Variants in ZNF320 observed in about 807,000 individuals in gnomAD.
The protein encoded by ZNF320 is zinc finger gene 320.
Under a neutral mutation model 6.8 loss-of-function variants are expected in ZNF320, and 2 were observed. The ratio of observed to expected loss-of-function variants is 0.29; its 90% CI spans 0.12 to 0.93. The LOEUF is 0.93. Ranked by LOEUF, ZNF320 falls within the 40% of genes least tolerant of loss-of-function variation. The probability of loss-of-function intolerance (pLI) is 0.55; values close to 1 mark genes in which losing one functional copy is unlikely to be tolerated. For synonymous variants in ZNF320, 208 were observed against 203.2 expected (o/e 1.02, Z -0.20); for missense variants, 472 against 611.0 (o/e 0.77, Z 2.40).
chr19:52,869,078 T>C (rs992738915), intron 5 of ZNF320, among the ~76,000 whole-genome samples: 5 of 152,144 alleles, frequency 3.3e-5, no homozygotes, highest in Non-Finnish European at 2.9e-5. Context: ...GTAATGGGCA[T>C]GTAGGAGTGA....
Position 52,881,918 on chromosome 19 carries a change from G to A in ZNF320, c.208C>T (p.His70Tyr), listed in dbSNP as rs1165827411. The A allele has an allele frequency of 3.1e-6, 5 of 1,610,924 alleles. No individual in the cohort carries two copies. Among genetic ancestry groups the A allele is most frequent in the Non-Finnish European group, 4.2e-6 (5 of 1,178,706 alleles). Residue 70 changes from histidine (H) to tyrosine (Y), a missense_variant, in exon 6 of 6, where the codon CAC (histidine) becomes TAC (tyrosine). Physicochemically the swap from His to Tyr is moderately conservative, Grantham distance 83. Coordinates refer to ENST00000682928, the MANE Select transcript of ZNF320 (RefSeq NM_001351774.2). ...GCTTGTCTCTGCAATGTCCCTGTGT[G>A]GATCACTTCTGTATTGCCTTGCCCT... Reference protein sequence around the residue: ...STGQGNTEVIHTGTLQRQASY... With the variant: ...STGQGNTEVIYTGTLQRQASY...
rs1427450812 is a variant in ZNF320, at chr19:52,877,485, A to C, written c.*3111T>G. 6.6e-6 allele frequency: 1 copy of C among 152,214 alleles called. No homozygotes were observed. Among genetic ancestry groups the C allele is most frequent in the Non-Finnish European group, 1.5e-5 (1 of 68,052 alleles). 9.4% of individuals were successfully genotyped at this position (152,214 alleles called of 1,614,324 possible). A position where few individuals can be genotyped will look rare whatever the true frequency, so the allele number is the denominator to read the frequency against. On this transcript the variant is annotated 3_prime_UTR_variant, in exon 6 of 6. Transcript: ENST00000682928. The stretch of plus-strand genomic sequence containing the variant: ...TTTACATAAATAGGGCAAGGGAAGC[A>C]ATCAGATAGACATTTGACTCAGGTG...
chr19:52,873,678 T>C (rs1417861577), downstream of ZNF320, among the ~76,000 whole-genome samples: 3 of 152,202 alleles, frequency 2.0e-5, no homozygotes, highest in Admixed American at 6.5e-5. Context: ...TAAACGTCCA[T>C]CCAGATGTGG....
Position 52,881,231 on chromosome 19 carries a change from T to G in ZNF320, c.895A>C (p.Lys299Gln). ...CCACATTCATTACACTTATAGGGTT[T>G]CTCTGCAGTATGAACTGCCTTATGA... ...VIHKAVHTAEKPYKCNECGKV... is the reference protein window; with the variant it reads ...VIHKAVHTAEQPYKCNECGKV... Residue 299 changes from lysine (K) to glutamine (Q), a missense_variant, in exon 6 of 6, where the codon AAA becomes CAA. Lys to Gln is a moderately conservative substitution (Grantham distance 53, BLOSUM62 1). Around this residue, in one of 2 missense-constraint regions of ZNF320, gnomAD observed 462 missense variants for 559.7 expected, o/e 0.83. Transcript: ENST00000682928. 1 of 1,614,204 alleles carries G rather than the reference T, an allele frequency of 6.2e-7. No individual in the cohort carries two copies. The highest frequency in any genetic ancestry group is 8.5e-7 in the Non-Finnish European group (1 of 1,180,040).
intron 5 of ZNF320, chr19:52,883,772 G>A (rs2063994573): frequency 2.5e-5 from 8 of 325,916 alleles, no homozygotes; most frequent in South Asian, 1.8e-4. Context: ...GTGGTGGCAG[G>A]TGCATGTAAT....
chr19:52,866,140 ATTTATATATG>A (rs1469835117), intron 5 of ZNF320, among the ~76,000 whole-genome samples: 1 of 54,724 alleles, frequency 1.8e-5, no homozygotes, highest in Non-Finnish European at 3.7e-5. Context: ...TTATACATAT[ATTTATATATG>A]TATGATTATA....
At chr19:52,885,038 A>G (rs2064031715) in intron 5 of ZNF320, among the ~76,000 whole-genome samples, 1 of 151,858 alleles carries the variant, frequency 6.6e-6, no homozygotes. Flanking sequence ...TCTGCTAAAA[A>G]AAAATACAAA....
upstream of ZNF320, among the ~76,000 whole-genome samples, chr19:52,899,200 T>G (rs561976265): frequency 6.6e-6 from 1 of 152,314 alleles, no homozygotes; most frequent in African/African-American, 2.4e-5. Flanking sequence ...AAGCAGCTTT[T>G]TATTACTATT....
chr19:52,862,019 C>T (rs1348385880), exon 6 of ZNF320: 3 of 384,466 alleles, frequency 7.8e-6, no homozygotes, highest in Non-Finnish European at 1.6e-5. Context: ...TAAGGTTTCT[C>T]TCCAGTATGA....
upstream of ZNF320, among the ~76,000 whole-genome samples, chr19:52,899,503 C>A (rs2064560798): frequency 6.6e-6 from 1 of 152,146 alleles, no homozygotes; most frequent in Admixed American, 6.5e-5. Context: ...CGCTCTGTCA[C>A]CCAGGCTGGA....
intron 5 of ZNF320, among the ~76,000 whole-genome samples, chr19:52,886,289 T>A (rs1349127795): frequency 6.6e-6 from 1 of 152,068 alleles, no homozygotes; most frequent in Non-Finnish European, 1.5e-5. Flanking sequence ...TGCCCACCAC[T>A]GTGCCTGGCT....
intron 5 of ZNF320, among the ~76,000 whole-genome samples, chr19:52,864,803 G>A (rs926013313): frequency 6.6e-6 from 1 of 150,964 alleles, no homozygotes; most frequent in Admixed American, 6.6e-5. Flanking sequence ...CATGATGTCA[G>A]GAGATCGAGA....
In ZNF320 at chr19:52,890,225, G is replaced by C; in HGVS notation, c.15+16C>G. Reference sequence around the variant, plus strand: ...AAGGAAGGAGACAGAACAATCCACCGAGAATATCATCTCACCTGAGAAAGA... The same window carrying C: ...AAGGAAGGAGACAGAACAATCCACCCAGAATATCATCTCACCTGAGAAAGA... On this transcript the variant is annotated intron_variant, in intron 4 of 5. Coordinates refer to ENST00000682928, the MANE Select transcript of ZNF320 (RefSeq NM_001351774.2). 2 of 1,606,802 alleles carry C rather than the reference G, an allele frequency of 1.2e-6. No individual in the cohort carries two copies. Among genetic ancestry groups the C allele is most frequent in the Non-Finnish European group, 1.7e-6 (2 of 1,179,414 alleles).
At chr19:52,895,472 CA>C (rs2064442492) in intron 1 of ZNF320, 1 of 151,568 alleles carries the variant, frequency 6.6e-6, no homozygotes, top group East Asian at 2.0e-4. Flanking sequence ...TCAAAACAAA[CA>C]AACAAAATAG....
exon 6 of ZNF320, chr19:52,864,090 G>T: frequency 2.3e-6 from 1 of 435,842 alleles, no homozygotes. Flanking sequence ...AAAGCGTTCT[G>T]TGCAGGGTCC....
At chr19:52,902,003 T>C (rs1427764168), upstream of ZNF320, among the ~76,000 whole-genome samples, 1 of 151,936 alleles carries the variant, frequency 6.6e-6, no homozygotes, top group Admixed American at 6.6e-5. Flanking sequence ...GTTTTTCTTT[T>C]TTTTTTTTCT....
At chr19:52,891,693 C>G (rs942469495) in intron 2 of ZNF320, among the ~76,000 whole-genome samples, 1 of 152,190 alleles carries the variant, frequency 6.6e-6, no homozygotes, top group Admixed American at 6.5e-5. Flanking sequence ...TGGAGCCACA[C>G]TGATGAGTTG....
upstream of ZNF320, among the ~76,000 whole-genome samples, chr19:52,899,752 C>G (rs576234548): frequency 6.6e-6 from 1 of 152,176 alleles, no homozygotes; most frequent in Non-Finnish European, 1.5e-5. Context: ...TGAGCCACCG[C>G]GCCCGGTGAT....
At chr19:52,863,735 T>G (rs2063500318) in exon 6 of ZNF320, 1 of 164,446 alleles carries the variant, frequency 6.1e-6, no homozygotes, top group Admixed American at 6.2e-5. Flanking sequence ...AAAGCTTTTC[T>G]TGTTAAAAAT....
Sources: allele counts gnomAD v4.1 joint callset (sites outside exome capture counted in the v4.1 genomes callset), GRCh38; gene constraint gnomAD v4.1.1; regional missense constraint gnomAD v4.1.1; transcripts MANE v1.5; gene names NCBI Gene and HGNC (gene_info 2026-07-23, HGNC 2026-07-21).